The following MARK2 variants were observed in gnomAD, a reference collection of about 807,000 sequenced individuals.
MARK2 encodes the protein microtubule affinity regulating kinase 2.
MARK2 carries 16 observed loss-of-function variants against 89.8 expected under a neutral mutation model. The observed-to-expected ratio is 0.18, with a 90% CI of 0.12 to 0.27. MARK2 has a LOEUF of 0.27. MARK2 is among the 10% of genes least tolerant of loss of function. MARK2 has a pLI of 1.00. For missense variants in MARK2, 621 were observed against 1,049.9 expected, an observed-to-expected ratio of 0.59 and a Z score of 5.65; for synonymous variants, 382 against 399.5, an observed-to-expected ratio of 0.96 and a Z score of 0.52.
chr11:63,873,854 C>T (rs1257050943), intron 1 of MARK2, among the ~76,000 whole-genome samples: 2 of 152,206 alleles, frequency 1.3e-5, no homozygotes, highest in Admixed American at 1.3e-4. Flanking sequence ...ACCATGTTGG[C>T]CAGGCTGGTC....
intron 1 of MARK2, among the ~76,000 whole-genome samples, chr11:63,850,600 A>G (rs1431851634): frequency 6.6e-6 from 1 of 152,080 alleles, no homozygotes; most frequent in Non-Finnish European, 1.5e-5. Context: ...GATTAAAGAA[A>G]AAAAAACACC....
At chr11:63,842,195 A>G (rs532178004) in intron 1 of MARK2, among the ~76,000 whole-genome samples, 4 of 150,384 alleles carry the variant, frequency 2.7e-5, no homozygotes, top group African/African-American at 9.8e-5. Context: ...GGATGCACCT[A>G]TTCCAGACAG....
chr11:63,839,370 G>T lies in MARK2; in HGVS notation c.-137G>T. ...CCCGGGCTGGCGTGAGCGGCTGCCC[G>T]GCCTCCCCGCACCCCCGGCCGGGGC... On this transcript the variant is annotated 5_prime_UTR_variant, in exon 1 of 19. Transcript: ENST00000402010. 1 of 562,676 alleles carries T rather than the reference G, an allele frequency of 1.8e-6. No individual in the cohort carries two copies. Among genetic ancestry groups the T allele is most frequent in the Non-Finnish European group, 3.1e-6 (1 of 326,396 alleles). 34.9% of individuals were successfully genotyped at this position (562,676 alleles called of 1,614,324 possible). A position where few individuals can be genotyped will look rare whatever the true frequency, so the allele number is the denominator to read the frequency against.
chr11:63,877,525 C>T lies in MARK2; in HGVS notation c.55-17634C>T, dbSNP rs530425530. Among the ~76,000 whole-genome samples, 6 of 151,888 alleles carry T rather than the reference C, an allele frequency of 4.0e-5. No homozygotes were observed. The East Asian group carries it at 5.9e-4, about 15-fold the overall frequency. ...AGGAGCTTGGGCAACATGGTGAAAC[C>T]CCATCTCTACAAAAAATACAAAAAT... On this transcript the variant is annotated intron_variant, in intron 1 of 18. Coordinates refer to ENST00000402010, the MANE Select transcript of MARK2 (RefSeq NM_001039469.3).
Position 63,902,288 on chromosome 11 carries a change from A to AGC in MARK2, c.1194_1195dup (p.Val399AlafsTer109). The AGC allele has an allele frequency of 6.2e-7, 1 of 1,614,158 alleles. No individual in the cohort carries two copies. Among genetic ancestry groups the AGC allele is most frequent in the Non-Finnish European group, 8.5e-7 (1 of 1,180,014 alleles). Reference sequence around the variant, plus strand: ...ATCCCCATCCCACAAGGTACAGCGCAGCGTGTCGGCCAATCCCAAGCAGCG... The same window carrying AGC: ...ATCCCCATCCCACAAGGTACAGCGCAGCGCGTGTCGGCCAATCCCAAGCAGCG... On this transcript the variant is annotated frameshift_variant, in exon 12 of 19. Transcript: ENST00000402010. LOFTEE classifies it high-confidence loss of function. The surrounding 1 kb of genome is among the most constrained non-coding windows in gnomAD (Gnocchi z 4.2).
intron 1 of MARK2, among the ~76,000 whole-genome samples, chr11:63,847,844 G>C (rs1184172502): frequency 6.6e-6 from 1 of 152,144 alleles, no homozygotes; most frequent in Non-Finnish European, 1.5e-5. Context: ...GAAGGGACTG[G>C]GTCTGCCTTT....
chr11:63,867,648 A>G (rs1938209077), intron 1 of MARK2, among the ~76,000 whole-genome samples: 1 of 152,186 alleles, frequency 6.6e-6, no homozygotes, highest in South Asian at 2.1e-4. Context: ...GCCTGTCTCA[A>G]GTTTCCAGAG....
rs201741436 is a variant in MARK2, at chr11:63,904,822, C to T, written c.1713C>T (p.Ser571=). The change falls in exon 16 of 19, where the codon TCC becomes TCT. Residue 571 remains serine, a synonymous_variant. Coordinates refer to ENST00000402010, the MANE Select transcript of MARK2 (RefSeq NM_001039469.3). This position sits in a 1 kb window ranked among gnomAD's most constrained non-coding sequence, Gnocchi z 6.3. ...APQRVPVASP[S]AHNISSSGGA... The stretch of plus-strand genomic sequence containing the variant: ...AGCGTGTCCCTGTTGCCTCCCCATC[C>T]GCCCACAACATCAGCAGCAGTGGTG... 27 of 1,614,138 alleles carry T rather than the reference C, an allele frequency of 1.7e-5. No individual in the cohort carries two copies. The highest frequency in any genetic ancestry group is 6.7e-5 in the East Asian group (3 of 44,878).
At chr11:63,879,956 T>C (rs1035114139) in intron 1 of MARK2, among the ~76,000 whole-genome samples, 7 of 152,298 alleles carry the variant, frequency 4.6e-5, no homozygotes, top group South Asian at 4.1e-4. Flanking sequence ...TTCTGCACTT[T>C]CCAGCAGCAA....
intron 1 of MARK2, chr11:63,888,725 C>G: frequency 8.4e-7 from 1 of 1,194,018 alleles, no homozygotes; most frequent in Non-Finnish European, 1.1e-6. Context: ...TCGGTTGCGA[C>G]ACCGTCCAGG....
chr11:63,875,355 G>A (rs1216970976), intron 1 of MARK2, among the ~76,000 whole-genome samples: 4 of 151,712 alleles, frequency 2.6e-5, no homozygotes, highest in South Asian at 2.1e-4. Flanking sequence ...TCCTGACCTC[G>A]TGATCCGCCC....
At chr11:63,872,860 T>C (rs1227018563) in intron 1 of MARK2, among the ~76,000 whole-genome samples, 1 of 149,164 alleles carries the variant, frequency 6.7e-6, no homozygotes, top group Non-Finnish European at 1.5e-5. Flanking sequence ...CCCTTCCTCC[T>C]CCTCCTCCTC....
intron 1 of MARK2, among the ~76,000 whole-genome samples, chr11:63,873,887 T>A (rs1288572290): frequency 6.6e-6 from 1 of 152,232 alleles, no homozygotes; most frequent in Admixed American, 6.5e-5. Context: ...ACTCAGGTGA[T>A]CCGCCTGCCT....
intron 11 of MARK2, among the ~76,000 whole-genome samples, chr11:63,901,731 C>T (rs937856317): frequency 4.9e-4 from 70 of 143,408 alleles, no homozygotes; most frequent in African/African-American, 1.6e-3. Flanking sequence ...TGTATGTGTC[C>T]GTCTTCCCGT....
In MARK2 at chr11:63,906,131, C is replaced by CTGTGTGTG. The variant is rs535377951; in HGVS notation, c.1961+35_1961+42dup. ...TGCCAGAAGGTAGGCGTTGAGCCCG[C>CTGTGTGTG]TGTGTGTGTGTGTGTGTGTGTGTGT... is the stretch of plus-strand genomic sequence containing the variant. On this transcript the variant is annotated intron_variant, in intron 17 of 18. Coordinates refer to ENST00000402010, the MANE Select transcript of MARK2 (RefSeq NM_001039469.3). The CTGTGTGTG allele has an allele frequency of 6.2e-5, 74 of 1,186,738 alleles. No individual in the cohort carries two copies. The highest frequency in any genetic ancestry group is 4.2e-4 in the South Asian group (11 of 26,172). The allele number at this position is 1,186,738 out of a possible 1,614,324, so 73.5% of individuals were successfully genotyped here.
Position 63,900,710 on chromosome 11 carries a change from C to A in MARK2, c.888+32C>A, listed in dbSNP as rs541859486. The A allele has an allele frequency of 1.3e-5, 21 of 1,613,734 alleles. No individual in the cohort carries two copies. The highest frequency in any genetic ancestry group is 1.8e-5 in the Non-Finnish European group (21 of 1,179,640). On this transcript the variant is annotated intron_variant, in intron 9 of 18. Coordinates refer to ENST00000402010, the MANE Select transcript of MARK2 (RefSeq NM_001039469.3). This position sits in a 1 kb window ranked among gnomAD's most constrained non-coding sequence, Gnocchi z 4.7. ...AGTGGAGCCCAACTGGCGGAAGGGC[C>A]TGGGGTCCCCACAGAAACTTTCCAG...
At chr11:63,883,931 C>T (rs1331057022) in intron 1 of MARK2, among the ~76,000 whole-genome samples, 1 of 152,204 alleles carries the variant, frequency 6.6e-6, no homozygotes, top group African/African-American at 2.4e-5. Context: ...GAAATGGGTA[C>T]AGCTAGTATC....
In MARK2 at chr11:63,909,471, A is replaced by G. The variant is rs192906403; in HGVS notation, c.*234A>G. Reference sequence around the variant, plus strand: ...GAGATTCCCCCTTCTCCTCTCCCCTACTGGAGGCAAAGGAAGGGGAGGGTG... The same window carrying G: ...GAGATTCCCCCTTCTCCTCTCCCCTGCTGGAGGCAAAGGAAGGGGAGGGTG... On this transcript the variant is annotated 3_prime_UTR_variant, in exon 19 of 19. Transcript: ENST00000402010. 5.1e-5 allele frequency: 19 copies of G among 374,178 alleles called. No homozygotes were observed. Among genetic ancestry groups the G allele is most frequent in the Admixed American group, 1.3e-4 (3 of 22,666 alleles). 23.2% of individuals were successfully genotyped at this position (374,178 alleles called of 1,614,324 possible). A position where few individuals can be genotyped will look rare whatever the true frequency, so the allele number is the denominator to read the frequency against.
At chr11:63,886,520 G>A (rs1939406970) in intron 1 of MARK2, among the ~76,000 whole-genome samples, 1 of 152,080 alleles carries the variant, frequency 6.6e-6, no homozygotes, top group South Asian at 2.1e-4. Context: ...CACCTCCCAG[G>A]CTCAAGCAGT....
Sources: allele counts gnomAD v4.1 joint callset (sites outside exome capture counted in the v4.1 genomes callset), GRCh38; gene constraint gnomAD v4.1.1; non-coding constraint Gnocchi (gnomAD v3.1); transcripts MANE v1.5; gene names NCBI Gene and HGNC (gene_info 2026-07-23, HGNC 2026-07-21).